DTWD2: variants seen among roughly 807,000 people sequenced by gnomAD.
The protein encoded by DTWD2 is tRNA-uridine aminocarboxypropyltransferase 2.
A neutral mutation model predicts 31.8 loss-of-function variants in DTWD2; 39 were observed. The observed-to-expected ratio is 1.22, with a 90% CI of 0.95 to 1.60. The LOEUF (loss-of-function observed/expected upper bound fraction) is 1.60. DTWD2 is among the 40% of genes most tolerant of loss of function. The pLI, the probability that DTWD2 is intolerant of heterozygous loss-of-function variation, is 0.00. For synonymous variants in DTWD2, 180 were observed against 142.8 expected, an observed-to-expected ratio of 1.26 and a Z score of -1.86; for missense variants, 515 against 381.5, an observed-to-expected ratio of 1.35 and a Z score of -2.92.
At chr5:118,930,553 A>C (rs1322313419) in intron 3 of DTWD2, among the ~76,000 whole-genome samples, 2 of 152,186 alleles carry the variant, frequency 1.3e-5, no homozygotes, top group Non-Finnish European at 2.9e-5. Context: ...AAAAAAAAGA[A>C]AAGTAACCAT....
intron 5 of DTWD2, among the ~76,000 whole-genome samples, chr5:118,841,548 T>C (rs1225415927): frequency 6.6e-6 from 1 of 152,234 alleles, no homozygotes; most frequent in Non-Finnish European, 1.5e-5. Context: ...AACGGTTTGC[T>C]ATTTCTCTCA....
intron 4 of DTWD2, among the ~76,000 whole-genome samples, chr5:118,859,179 C>A (rs867633499): frequency 4.0e-5 from 6 of 150,688 alleles, no homozygotes; most frequent in African/African-American, 1.2e-4. Context: ...TCTAGATTTC[C>A]TCGGTATCTA....
intron 1 of DTWD2, among the ~76,000 whole-genome samples, chr5:118,948,204 G>A (rs745915711): frequency 2.6e-5 from 4 of 152,100 alleles, no homozygotes; most frequent in Non-Finnish European, 4.4e-5. Context: ...GGCCAGGCAC[G>A]GTGGCTCACG....
chr5:118,902,502 T>C (rs1164058516), intron 4 of DTWD2, among the ~76,000 whole-genome samples: 2 of 152,176 alleles, frequency 1.3e-5, no homozygotes, highest in African/African-American at 2.4e-5. Flanking sequence ...TACAGTTAAA[T>C]TTAGTTATAC....
At chr5:118,909,703 A>C (rs1753416451) in intron 4 of DTWD2, among the ~76,000 whole-genome samples, 1 of 152,206 alleles carries the variant, frequency 6.6e-6, no homozygotes, top group African/African-American at 2.4e-5. Context: ...ATAAGAGTCC[A>C]AACAGCCCTC....
chr5:118,851,645 C>G (rs1752008269), intron 4 of DTWD2, among the ~76,000 whole-genome samples: 1 of 132,758 alleles, frequency 7.5e-6, no homozygotes, highest in South Asian at 2.3e-4. Flanking sequence ...ACAATGAGAA[C>G]ACATGGACAC....
chr5:118,925,488 A>C (rs1012805176), intron 4 of DTWD2, among the ~76,000 whole-genome samples: 6 of 152,232 alleles, frequency 3.9e-5, no homozygotes, highest in African/African-American at 1.4e-4. Context: ...AAGTAAAATA[A>C]TGATGAAAAG....
intron 3 of DTWD2, 56 bp downstream of exon 3, chr5:118,939,139 AT>A (rs1754118994): frequency 4.0e-6 from 6 of 1,506,000 alleles, no homozygotes; most frequent in South Asian, 3.9e-5. Flanking sequence ...GAAAGAAACC[AT>A]TTTTTAAGAT....
At chr5:118,938,196 G>C (rs962821638) in intron 3 of DTWD2, among the ~76,000 whole-genome samples, 6 of 151,870 alleles carry the variant, frequency 4.0e-5, no homozygotes, top group Admixed American at 3.9e-4. Flanking sequence ...AAAGGTATCA[G>C]TTATTGCAAT....
intron 4 of DTWD2, among the ~76,000 whole-genome samples, chr5:118,916,989 A>G (rs1753593999): frequency 6.6e-6 from 1 of 152,184 alleles, no homozygotes; most frequent in Non-Finnish European, 1.5e-5. Context: ...ATGAAAATCT[A>G]TGGAAATTGA....
chr5:118,941,699 T>C (rs1190561064), intron 2 of DTWD2, among the ~76,000 whole-genome samples: 1 of 152,350 alleles, frequency 6.6e-6, no homozygotes, highest in African/African-American at 2.4e-5. Context: ...CACCCAGTAA[T>C]GGGATGGCTG....
chr5:118,949,939 G>A (rs573454703), intron 1 of DTWD2, among the ~76,000 whole-genome samples: 5 of 152,312 alleles, frequency 3.3e-5, no homozygotes, highest in African/African-American at 1.2e-4. Context: ...GGCCGGGCGC[G>A]ATGGCTCACG....
At chr5:118,970,373 A>T (rs545700868) in intron 1 of DTWD2, among the ~76,000 whole-genome samples, 2 of 152,308 alleles carry the variant, frequency 1.3e-5, no homozygotes, top group Admixed American at 6.5e-5. Context: ...ATTGCAGTGA[A>T]CCAAGATTGC....
intron 4 of DTWD2, among the ~76,000 whole-genome samples, chr5:118,903,309 T>A (rs189320038): frequency 6.6e-6 from 1 of 152,076 alleles, no homozygotes; most frequent in Non-Finnish European, 1.5e-5. Context: ...ACAAAAAATA[T>A]AGCTATTTCT....
At chr5:118,923,267 T>C (rs1753741686) in intron 4 of DTWD2, among the ~76,000 whole-genome samples, 2 of 152,146 alleles carry the variant, frequency 1.3e-5, no homozygotes, top group Admixed American at 1.3e-4. Flanking sequence ...CTGCCCCCTC[T>C]AAAAATGATA....
At chr5:118,919,446 T>G (rs1753653151) in intron 4 of DTWD2, among the ~76,000 whole-genome samples, 1 of 152,216 alleles carries the variant, frequency 6.6e-6, no homozygotes. Flanking sequence ...TCTACCACCT[T>G]TAGAATGTGA....
chr5:118,952,242 C>T (rs1009108773), intron 1 of DTWD2, among the ~76,000 whole-genome samples: 1 of 152,178 alleles, frequency 6.6e-6, no homozygotes, highest in Non-Finnish European at 1.5e-5. Context: ...CAAGGGAGGT[C>T]CCCCAATCCG....
chr5:118,946,306 G>T (rs1343141475), intron 1 of DTWD2, among the ~76,000 whole-genome samples: 1 of 152,132 alleles, frequency 6.6e-6, no homozygotes, highest in Non-Finnish European at 1.5e-5. Flanking sequence ...AATATGAGGA[G>T]ATTTTTGAGA....
rs528427025 is a variant in DTWD2 at position 118,950,176 on chromosome 5, G to A, written c.219-5527C>T. 2.3e-5 allele frequency among the ~76,000 whole-genome samples: 3 copies of A among 132,690 alleles called. No homozygotes were observed. In the South Asian group the frequency reaches 7.0e-4, roughly 31 times the overall value. The allele number at this position is 132,690 out of a possible 152,430, so 87.0% of individuals were successfully genotyped here. ...ATTATTGAGCCGAGATCACGCCACT[G>A]CACTCCAGCCTCGGTGACAGAGTGA... On this transcript the variant is annotated intron_variant, in intron 1 of 5. Coordinates refer to ENST00000510708, the MANE Select transcript of DTWD2 (RefSeq NM_173666.4).
Sources: gnomAD v4.1 joint callset for allele counts (sites outside exome capture counted in the v4.1 genomes callset) on GRCh38, gnomAD v4.1.1 for gene constraint, MANE v1.5 for transcripts, NCBI Gene and HGNC (gene_info 2026-07-23, HGNC 2026-07-21) for gene names.